Variants in CADM1 observed in about 807,000 individuals in gnomAD.
CADM1 encodes the protein cell adhesion molecule 1.
A neutral mutation model predicts 53.1 loss-of-function variants in CADM1; 15 were observed. The ratio of observed to expected loss-of-function variants is 0.28; its 90% CI spans 0.19 to 0.44. CADM1 has a LOEUF of 0.44. CADM1 is among the 20% of genes least tolerant of loss of function. The pLI is 1.00. For synonymous variants in CADM1, 281 were observed against 243.0 expected, an observed-to-expected ratio of 1.16 and a Z score of -1.45; for missense variants, 434 against 611.3, an observed-to-expected ratio of 0.71 and a Z score of 3.06.
At chr11:115,499,615 C>CA (rs1410893115) in intron 1 of CADM1, among the ~76,000 whole-genome samples, 7 of 152,376 alleles carry the variant, frequency 4.6e-5, no homozygotes, top group African/African-American at 1.7e-4. Context: ...GGAGGCGGAA[C>CA]AGAAGGTCCA....
intron 1 of CADM1, among the ~76,000 whole-genome samples, chr11:115,268,444 C>T (rs1042896691): frequency 6.6e-6 from 1 of 152,140 alleles, no homozygotes; most frequent in Admixed American, 6.6e-5. Context: ...TCTCTATCTG[C>T]ACTCTTCAGA....
At chr11:115,463,070 G>A (rs551372677) in intron 1 of CADM1, among the ~76,000 whole-genome samples, 3 of 152,102 alleles carry the variant, frequency 2.0e-5, no homozygotes, top group Non-Finnish European at 4.4e-5. Flanking sequence ...CTTCAGCATG[G>A]TCTCTACCCC....
chr11:115,357,193 T>TC (rs1415919157), intron 1 of CADM1, among the ~76,000 whole-genome samples: 3 of 152,052 alleles, frequency 2.0e-5, no homozygotes, highest in Admixed American at 6.6e-5. Flanking sequence ...AAGCCCAGGC[T>TC]CCCCCAAAGG....
intron 1 of CADM1, among the ~76,000 whole-genome samples, chr11:115,435,290 G>A (rs1045809137): frequency 6.6e-6 from 1 of 152,158 alleles, no homozygotes; most frequent in African/African-American, 2.4e-5. Context: ...TCTGGAACTG[G>A]GGTTGGCAAA....
chr11:115,458,436 A>T (rs1948724507), intron 1 of CADM1, among the ~76,000 whole-genome samples: 1 of 151,302 alleles, frequency 6.6e-6, no homozygotes, highest in African/African-American at 2.4e-5. Flanking sequence ...AATAAATGTA[A>T]AATGTTTACT....
intron 5 of CADM1, among the ~76,000 whole-genome samples, chr11:115,227,796 G>GAAGCA (rs1409024570): frequency 1.3e-5 from 2 of 152,214 alleles, no homozygotes; most frequent in Admixed American, 6.5e-5. Flanking sequence ...TGGTTTCTTA[G>GAAGCA]AAGCAACTTT....
intron 5 of CADM1, among the ~76,000 whole-genome samples, chr11:115,221,018 G>A (rs1480504838): frequency 6.6e-6 from 1 of 152,132 alleles, no homozygotes; most frequent in Non-Finnish European, 1.5e-5. Context: ...CAGCCTCCAA[G>A]ATTTATTTTT....
intron 1 of CADM1, among the ~76,000 whole-genome samples, chr11:115,298,874 G>A (rs1203752926): frequency 2.0e-5 from 3 of 152,068 alleles, no homozygotes; most frequent in South Asian, 2.1e-4. Context: ...CTAGCTTTCC[G>A]TGAGCAGCCC....
intron 1 of CADM1, among the ~76,000 whole-genome samples, chr11:115,392,680 C>T (rs1946866220): frequency 6.6e-6 from 1 of 152,032 alleles, no homozygotes; most frequent in Non-Finnish European, 1.5e-5. Context: ...ATTCGCATTC[C>T]CAAACACAAA....
intron 1 of CADM1, among the ~76,000 whole-genome samples, chr11:115,288,702 G>C (rs1354474344): frequency 6.6e-6 from 1 of 152,078 alleles, no homozygotes; most frequent in Non-Finnish European, 1.5e-5. Flanking sequence ...CACTTATCAT[G>C]CTGCCCTGTC....
At chr11:115,407,187 G>A (rs1041275387) in intron 1 of CADM1, among the ~76,000 whole-genome samples, 1 of 152,100 alleles carries the variant, frequency 6.6e-6, no homozygotes, top group African/African-American at 2.4e-5. Context: ...TTGGGCGAAG[G>A]CTAAAAAAGA....
At chr11:115,438,643 T>G (rs530535479) in intron 1 of CADM1, among the ~76,000 whole-genome samples, 1 of 152,190 alleles carries the variant, frequency 6.6e-6, no homozygotes, top group East Asian at 1.9e-4. Context: ...AAAATGATCA[T>G]TTAGAATTTT....
intron 1 of CADM1, among the ~76,000 whole-genome samples, chr11:115,256,525 A>G (rs1328582412): frequency 6.6e-6 from 1 of 152,186 alleles, no homozygotes; most frequent in Non-Finnish European, 1.5e-5. Flanking sequence ...AGCTGCTCAC[A>G]GGGGGAAGTA....
chr11:115,289,404 A>G (rs541232241), intron 1 of CADM1, among the ~76,000 whole-genome samples: 14 of 152,106 alleles, frequency 9.2e-5, no homozygotes, highest in Non-Finnish European at 1.9e-4. Flanking sequence ...ATTTATTTAC[A>G]GATTTTCCTC....
intron 1 of CADM1, among the ~76,000 whole-genome samples, chr11:115,426,607 ACT>A (rs1947899727): frequency 6.6e-6 from 1 of 151,810 alleles, no homozygotes; most frequent in South Asian, 2.1e-4. Context: ...ATCACCCTTT[ACT>A]CTCTTTCCGC....
intron 1 of CADM1, among the ~76,000 whole-genome samples, chr11:115,494,558 C>A (rs916778159): frequency 6.6e-6 from 1 of 152,128 alleles, no homozygotes; most frequent in African/African-American, 2.4e-5. Context: ...AAAAAACATT[C>A]AACTCCAGTT....
intron 1 of CADM1, among the ~76,000 whole-genome samples, chr11:115,257,952 A>G (rs1565328928): frequency 6.6e-6 from 1 of 152,184 alleles, no homozygotes; most frequent in Non-Finnish European, 1.5e-5. Flanking sequence ...TGATGCTGAC[A>G]CTGCTGATCC....
chr11:115,489,627 A>T (rs2135424466), intron 1 of CADM1, among the ~76,000 whole-genome samples: 1 of 152,332 alleles, frequency 6.6e-6, no homozygotes, highest in African/African-American at 2.4e-5. Flanking sequence ...AGGTATGAGG[A>T]TAGGACATGT....
At chr11:115,270,828 T>G (rs979816604) in intron 1 of CADM1, among the ~76,000 whole-genome samples, 3 of 152,208 alleles carry the variant, frequency 2.0e-5, no homozygotes, top group Non-Finnish European at 4.4e-5. Flanking sequence ...CATTCCCACT[T>G]TCTCTAAAAT....
Sources: gnomAD v4.1 joint callset for allele counts (sites outside exome capture counted in the v4.1 genomes callset) on GRCh38, gnomAD v4.1.1 for gene constraint, MANE v1.5 for transcripts, NCBI Gene and HGNC (gene_info 2026-07-23, HGNC 2026-07-21) for gene names.